Variants in COL28A1 observed in about 807,000 individuals in gnomAD.
The protein encoded by COL28A1 is collagen alpha-1(XXVIII) chain.
Under a neutral mutation model 150.2 loss-of-function variants are expected in COL28A1, and 161 were observed. That is an observed-to-expected ratio of 1.07 (90% CI 0.94 to 1.22). COL28A1 has a LOEUF of 1.22. Ranked by LOEUF, COL28A1 falls within the 50% of genes most tolerant of loss-of-function variation. COL28A1 has a pLI of 0.00. For missense variants in COL28A1, 1,617 were observed against 1,388.3 expected (o/e 1.16, Z -2.62); for synonymous variants, 552 against 469.7 (o/e 1.18, Z -2.26).
chr7:7,373,142 C>A lies in COL28A1; in HGVS notation c.2764G>T (p.Ala922Ser). 6.2e-7 allele frequency: 1 copy of A among 1,614,220 alleles called. No homozygotes were observed. The highest frequency in any genetic ancestry group is 2.2e-5 in the East Asian group (1 of 44,886). Reference sequence around the variant, plus strand: ...AATATCTCCACATTGGTGTCACTGGCATTCTTCACCACCTCTGTCAGTTTC... The same window carrying A: ...AATATCTCCACATTGGTGTCACTGGAATTCTTCACCACCTCTGTCAGTTTC... ...KEKLTEVVKN[A>S]SDTNVEIFVI... is the part of the protein sequence containing the mutation. Residue 922 changes from alanine to serine, a missense_variant, in exon 32 of 35, where the codon GCC becomes TCC. By Grantham distance (99) the Ala-to-Ser change is moderately conservative. Coordinates refer to ENST00000399429, the MANE Select transcript of COL28A1 (RefSeq NM_001037763.3). The surrounding 1 kb of genome is among the most constrained non-coding windows in gnomAD (Gnocchi z 4.1).
At chr7:7,538,111 G>A (rs1027215175), upstream of COL28A1, among the ~76,000 whole-genome samples, 11 of 152,090 alleles carry the variant, frequency 7.2e-5, no homozygotes, top group African/African-American at 1.7e-4. Flanking sequence ...ATTCTCAAGC[G>A]TGAAAATCAG....
intron 27 of COL28A1, among the ~76,000 whole-genome samples, chr7:7,400,980 GTGT>G (rs1783155594): frequency 3.3e-5 from 3 of 90,472 alleles, no homozygotes; most frequent in South Asian, 2.9e-4. Context: ...ATTTGGGTGT[GTGT>G]GTGTGTGTGT....
At chr7:7,428,047 G>C (rs887776174) in intron 25 of COL28A1, among the ~76,000 whole-genome samples, 4 of 152,082 alleles carry the variant, frequency 2.6e-5, no homozygotes, top group African/African-American at 9.7e-5. Context: ...CAACCTTCTG[G>C]TTCTTCATTT....
At chr7:7,364,387 A>T (rs1422673808) in intron 33 of COL28A1, among the ~76,000 whole-genome samples, 1 of 152,220 alleles carries the variant, frequency 6.6e-6, no homozygotes, top group Non-Finnish European at 1.5e-5. Flanking sequence ...CTAGACCCTT[A>T]CTTAGCCCAG....
intron 5 of COL28A1, among the ~76,000 whole-genome samples, chr7:7,520,942 T>C (rs970955591): frequency 6.6e-6 from 1 of 152,186 alleles, no homozygotes; most frequent in Admixed American, 6.5e-5. Context: ...CGCATCTAAC[T>C]TTGTATTTGG....
chr7:7,363,086 G>T (rs1291459726), intron 33 of COL28A1, among the ~76,000 whole-genome samples: 2 of 151,926 alleles, frequency 1.3e-5, no homozygotes, highest in Non-Finnish European at 2.9e-5. Flanking sequence ...TTTTTTGCCT[G>T]CATGTATTTG....
At chr7:7,501,371 C>A (rs941209528) in intron 11 of COL28A1, among the ~76,000 whole-genome samples, 1 of 152,172 alleles carries the variant, frequency 6.6e-6, no homozygotes, top group Non-Finnish European at 1.5e-5. Context: ...TCTCCTTGTG[C>A]CCTTTAGGCC....
the COL28A1 span, among the ~76,000 whole-genome samples, chr7:7,348,894 C>T: frequency 1.3e-5 from 2 of 151,950 alleles, no homozygotes; most frequent in South Asian, 2.1e-4. Context: ...AAGCACCTGC[C>T]GCCACACCCA....
At chr7:7,433,023 G>A (rs536749349) in intron 23 of COL28A1, among the ~76,000 whole-genome samples, 4 of 152,096 alleles carry the variant, frequency 2.6e-5, no homozygotes, top group Admixed American at 1.3e-4. Flanking sequence ...CGAATTATAC[G>A]GGGAATAAAT....
At chr7:7,514,601 T>C (rs1436237422) in intron 8 of COL28A1, among the ~76,000 whole-genome samples, 3 of 152,222 alleles carry the variant, frequency 2.0e-5, no homozygotes, top group Non-Finnish European at 4.4e-5. Context: ...CCACATACCA[T>C]GTGTCTAAAT....
At chr7:7,496,011 C>G (rs1179556073) in intron 11 of COL28A1, among the ~76,000 whole-genome samples, 5 of 152,150 alleles carry the variant, frequency 3.3e-5, no homozygotes, top group African/African-American at 1.2e-4. Flanking sequence ...GCCACAGGAT[C>G]TTTGCACAGT....
intron 27 of COL28A1, among the ~76,000 whole-genome samples, chr7:7,413,769 G>T (rs931797092): frequency 6.6e-6 from 1 of 152,180 alleles, no homozygotes; most frequent in Non-Finnish European, 1.5e-5. Context: ...TATACATTTG[G>T]TTCAAATGGG....
intron 11 of COL28A1, among the ~76,000 whole-genome samples, chr7:7,494,069 G>A (rs1780071664): frequency 6.6e-6 from 1 of 152,170 alleles, no homozygotes; most frequent in Non-Finnish European, 1.5e-5. Flanking sequence ...GTGTGAGCGT[G>A]TGTGGAGGCA....
intron 13 of COL28A1, among the ~76,000 whole-genome samples, chr7:7,485,100 C>A (rs1018887464): frequency 4.6e-5 from 7 of 151,940 alleles, no homozygotes; most frequent in South Asian, 2.1e-4. Flanking sequence ...ATATAACAAA[C>A]CTGCAAATGT....
At chr7:7,531,927 G>C (rs1406278084) in intron 2 of COL28A1, 23 bp from the exon 3 acceptor site, 3 of 1,454,264 alleles carry the variant, frequency 2.1e-6, no homozygotes, top group Admixed American at 3.6e-5. Context: ...AAACAGGTTA[G>C]GCAAAATAAT....
rs141546572 is a variant in COL28A1 at position 7,458,679 on chromosome 7, T to A, written c.1303-2567A>T. ...TTTCTTATGCATCAGATATTGTGCT[T>A]AATGCTTTACATCCTTTCATTTATC... On this transcript the variant is annotated intron_variant, in intron 15 of 34. Coordinates refer to ENST00000399429, the MANE Select transcript of COL28A1 (RefSeq NM_001037763.3). Among the ~76,000 whole-genome samples, 707 of 152,282 alleles carry A rather than the reference T, an allele frequency of 4.6e-3. 5 individuals are homozygous for A. Among genetic ancestry groups the A allele is most frequent in the East Asian group, 0.022 (114 of 5,176 alleles).
the COL28A1 span, among the ~76,000 whole-genome samples, chr7:7,340,344 A>C: frequency 6.6e-6 from 1 of 152,192 alleles, no homozygotes; most frequent in African/African-American, 2.4e-5. Context: ...GCTAGAGTAC[A>C]TAGGAAAACC....
At chr7:7,491,647 A>T (rs1018851738) in intron 11 of COL28A1, among the ~76,000 whole-genome samples, 1 of 152,200 alleles carries the variant, frequency 6.6e-6, no homozygotes, top group African/African-American at 2.4e-5. Flanking sequence ...TGACCATTGC[A>T]CTCAAACCCC....
intron 34 of COL28A1, 128 bp downstream of exon 34, chr7:7,360,262 G>T (rs1189743538): frequency 3.5e-6 from 3 of 851,184 alleles, no homozygotes; most frequent in Non-Finnish European, 5.1e-6. Flanking sequence ...TTTCTCTCTG[G>T]GTAACCCTGT....
Sources: allele counts gnomAD v4.1 joint callset (sites outside exome capture counted in the v4.1 genomes callset), GRCh38; gene constraint gnomAD v4.1.1; non-coding constraint Gnocchi (gnomAD v3.1); transcripts MANE v1.5; gene names NCBI Gene and HGNC (gene_info 2026-07-23, HGNC 2026-07-21).